P2RY12: variants seen among roughly 807,000 people sequenced by gnomAD.
P2RY12 encodes purinergic receptor P2Y12, also known as P2Y purinoceptor 12.
In P2RY12, 3 loss-of-function variants were observed where a neutral mutation model predicts 4.5. The observed-to-expected ratio is 0.67, with a 90% CI of 0.31 to 1.74. The LOEUF (loss-of-function observed/expected upper bound fraction) is 1.74, where lower values mean the gene tolerates loss of function less well. P2RY12 is among the 40% of genes most tolerant of loss of function. The pLI is 0.09. For synonymous variants in P2RY12, 148 were observed against 154.1 expected (o/e 0.96, Z 0.29); for missense variants, 356 against 407.8 (o/e 0.87, Z 1.09).
chr3:151,367,858 A>G (rs1288028657), intron 1 of P2RY12: 2 of 1,417,800 alleles, frequency 1.4e-6, no homozygotes, highest in East Asian at 2.3e-5. Flanking sequence ...GGAGTATTTG[A>G]GGGTATGTAT....
In P2RY12 at chr3:151,349,852, C is replaced by CTTT. The variant is rs112308445; in HGVS notation, c.-179-9095_-179-9093dup. Among the ~76,000 whole-genome samples the CTTT allele has an allele frequency of 3.1e-3, 431 of 139,692 alleles. 1 individual carries two copies. The highest frequency in any genetic ancestry group is 0.011 in the African/African-American group (406 of 37,706). The allele number at this position is 139,692 out of a possible 152,430, so 91.6% of individuals were successfully genotyped here. A position where few individuals can be genotyped will look rare whatever the true frequency, so the allele number is the denominator to read the frequency against. ...TATTAAGACTTCAGGTCAGTTGACA[C>CTTT]TTTTTTTTTTTTTTTTATAATGTTA... is the stretch of plus-strand genomic sequence containing the variant. On this transcript the variant is annotated intron_variant, in intron 1 of 2. Transcript: ENST00000302632.
In P2RY12 at chr3:151,338,352, C is replaced by T; in HGVS notation, c.494G>A (p.Arg165Lys). The T allele has an allele frequency of 1.2e-6, 2 of 1,614,104 alleles. No individual in the cohort carries two copies. Among genetic ancestry groups the T allele is most frequent in the Non-Finnish European group, 1.7e-6 (2 of 1,180,014 alleles). The change falls in exon 3 of 3, where the codon AGG becomes AAG. Residue 165 changes from arginine (R) to lysine (K), a missense_variant. Coordinates refer to ENST00000302632, the MANE Select transcript of P2RY12 (RefSeq NM_022788.5). ...CTTCACATTCTTGTCTCTCGGCTGC[C>T]TGTTGGTCAGAATCATGTTAGGCAA... ...LSLPNMILTN[R>K]QPRDKNVKKC... is the part of the protein sequence containing the mutation.
At chr3:151,372,538 G>A (rs1560092620) in intron 1 of P2RY12, 1 of 1,574,386 alleles carries the variant, frequency 6.4e-7, no homozygotes, top group Non-Finnish European at 8.7e-7. Flanking sequence ...GAACTTCTGT[G>A]ATTTTGCTTT....
intron 1 of P2RY12, chr3:151,355,146 G>A (rs1299152713): frequency 2.5e-6 from 4 of 1,613,808 alleles, no homozygotes; most frequent in Non-Finnish European, 3.4e-6. Flanking sequence ...AAAAAGCCAG[G>A]AAGAACAAAC....
At chr3:151,348,286 A>G (rs967261993) in intron 1 of P2RY12, among the ~76,000 whole-genome samples, 6 of 139,058 alleles carry the variant, frequency 4.3e-5, no homozygotes, top group African/African-American at 1.6e-4. Flanking sequence ...TCATAATTTT[A>G]TTAGTGCCCC....
chr3:151,353,150 G>C (rs1753448895), intron 1 of P2RY12, among the ~76,000 whole-genome samples: 1 of 152,142 alleles, frequency 6.6e-6, no homozygotes, highest in Non-Finnish European at 1.5e-5. Flanking sequence ...GCACTTGGGA[G>C]TTTTTAGTAG....
chr3:151,357,380 G>A (rs747166882), intron 1 of P2RY12: 1 of 1,574,352 alleles, frequency 6.4e-7, no homozygotes, highest in Non-Finnish European at 8.6e-7. Context: ...TTGAAGGGTT[G>A]GTATATAGCA....
In P2RY12 at chr3:151,354,000, G is replaced by T. The variant is rs1449894730; in HGVS notation, c.-179-13240C>A. Among the ~76,000 whole-genome samples the T allele has an allele frequency of 7.8e-5, 9 of 115,904 alleles. No individual in the cohort carries two copies. In the South Asian group the frequency reaches 1.5e-3, roughly 19 times the overall value. 76.0% of individuals were successfully genotyped at this position (115,904 alleles called of 152,430 possible). ...ACTAAAAATACAAAAAATTAGCCGG[G>T]CGTAGTGGCGGGCGCCTGTAGTCCC... On this transcript the variant is annotated intron_variant, in intron 1 of 2. Coordinates refer to ENST00000302632, the MANE Select transcript of P2RY12 (RefSeq NM_022788.5).
chr3:151,380,086 CTGT>C, intron 1 of P2RY12: 2 of 1,357,588 alleles, frequency 1.5e-6, no homozygotes, highest in Non-Finnish European at 2.1e-6. Context: ...CTAACTAGAT[CTGT>C]TGTTATTATT....
chr3:151,373,935 C>T (rs530858252), intron 1 of P2RY12, among the ~76,000 whole-genome samples: 38 of 152,164 alleles, frequency 2.5e-4, no homozygotes, highest in African/African-American at 7.2e-4. Flanking sequence ...ATTAATTCTA[C>T]GACCTGTCTG....
chr3:151,369,398 A>G lies in P2RY12; in HGVS notation c.-180+15294T>C, dbSNP rs904532705. Reference sequence around the variant, plus strand: ...AAATAATTACAAAACATTACTAATGATGGTAATGAGACTATTAAAGATTTG... The same window carrying G: ...AAATAATTACAAAACATTACTAATGGTGGTAATGAGACTATTAAAGATTTG... On this transcript the variant is annotated intron_variant, in intron 1 of 2. Transcript: ENST00000302632. 2.3e-6 allele frequency: 3 copies of G among 1,332,568 alleles called. No homozygotes were observed. The Admixed American group carries it at 5.8e-5, about 26-fold the overall frequency. 82.5% of individuals were successfully genotyped at this position (1,332,568 alleles called of 1,614,324 possible).
At chr3:151,351,672 C>T (rs1753252085) in intron 1 of P2RY12, among the ~76,000 whole-genome samples, 1 of 152,028 alleles carries the variant, frequency 6.6e-6, no homozygotes. Context: ...GTATACTTGG[C>T]AATGGGGTAG....
intron 1 of P2RY12, chr3:151,375,977 A>ATATATATATATATATATT: frequency 9.7e-7 from 1 of 1,028,664 alleles, no homozygotes; most frequent in Non-Finnish European, 1.4e-6. Flanking sequence ...TTGCATATAT[A>ATATATATATATATATATT]TATACCGAAA....
At chr3:151,383,653 A>AT (rs2108154753) in intron 1 of P2RY12, 1 of 605,284 alleles carries the variant, frequency 1.7e-6, no homozygotes, top group South Asian at 2.3e-5. Flanking sequence ...AAGATAAGGT[A>AT]ATCTATAAAC....
intron 1 of P2RY12, among the ~76,000 whole-genome samples, chr3:151,369,263 T>C (rs1249741063): frequency 1.3e-5 from 2 of 152,110 alleles, no homozygotes; most frequent in African/African-American, 2.4e-5. Flanking sequence ...AAGAAAAGGA[T>C]AAGTGAGGAA....
At chr3:151,350,249 G>A in intron 1 of P2RY12, 1 of 1,597,794 alleles carries the variant, frequency 6.3e-7, no homozygotes, top group Non-Finnish European at 8.5e-7. Flanking sequence ...GTTGCCTTTT[G>A]CCTTCCCTCT....
At position 151,339,518 on chromosome 3, in the gene P2RY12, C is replaced by T. The variant is rs182271975; in HGVS notation, c.-14-659G>A. On this transcript the variant is annotated intron_variant, in intron 2 of 2. Coordinates refer to ENST00000302632, the MANE Select transcript of P2RY12 (RefSeq NM_022788.5). The stretch of plus-strand genomic sequence containing the variant: ...CTCACTCATTCAAAGATTGGCCTCA[C>T]GGAGATTCATTATTCTGCTTCAAAT... 7.3e-5 allele frequency among the ~76,000 whole-genome samples: 11 copies of T among 151,666 alleles called. No homozygotes were observed. The South Asian group carries it at 1.0e-3, about 14-fold the overall frequency.
chr3:151,359,723 C>G (rs973530225), intron 1 of P2RY12, among the ~76,000 whole-genome samples: 1 of 152,072 alleles, frequency 6.6e-6, no homozygotes, highest in Non-Finnish European at 1.5e-5. Context: ...AATCTGTCAT[C>G]TGTGACTCCG....
intron 1 of P2RY12, among the ~76,000 whole-genome samples, chr3:151,372,349 G>A (rs1756292229): frequency 1.3e-5 from 2 of 152,150 alleles, no homozygotes; most frequent in Non-Finnish European, 2.9e-5. Context: ...AATAAGGACC[G>A]AGTCTTGAAC....
Sources: allele counts gnomAD v4.1 joint callset (sites outside exome capture counted in the v4.1 genomes callset), GRCh38; gene constraint gnomAD v4.1.1; transcripts MANE v1.5; gene names NCBI Gene and HGNC (gene_info 2026-07-23, HGNC 2026-07-21).